The following GRAMD1B variants were observed in gnomAD, a reference collection of about 807,000 sequenced individuals.
GRAMD1B encodes the protein protein Aster-B.
GRAMD1B carries 37 observed loss-of-function variants against 99.7 expected under a neutral mutation model. The ratio of observed to expected loss-of-function variants is 0.37; its 90% CI spans 0.29 to 0.49. The LOEUF is 0.49. Ranked by LOEUF, GRAMD1B falls within the 20% of genes least tolerant of loss-of-function variation. The pLI, the probability that GRAMD1B is intolerant of heterozygous loss-of-function variation, is 0.98. For missense variants in GRAMD1B, 888 were observed against 1,009.2 expected (o/e 0.88, Z 1.63); for synonymous variants, 427 against 387.6 (o/e 1.10, Z -1.19).
intron 2 of GRAMD1B, among the ~76,000 whole-genome samples, chr11:123,571,384 GTC>G (rs987016886): frequency 6.6e-6 from 1 of 152,192 alleles, no homozygotes; most frequent in African/African-American, 2.4e-5. Context: ...GCCGCAGAGA[GTC>G]ACTGAAGAAA....
rs1955406163 is a variant in GRAMD1B at position 123,624,851 on chromosome 11, G to C, written c.*2256G>C. 6.6e-6 allele frequency: 1 copy of C among 152,150 alleles called. No homozygotes were observed. The highest frequency in any genetic ancestry group is 6.5e-5 in the Admixed American group (1 of 15,278). The allele number at this position is 152,150 out of a possible 1,614,324, so 9.4% of individuals were successfully genotyped here. On this transcript the variant is annotated 3_prime_UTR_variant, in exon 20 of 20. Coordinates refer to ENST00000635736, the MANE Select transcript of GRAMD1B (RefSeq NM_001387025.1). ...GGAGTCAAGTGACAGAGCAGACCTG[G>C]CCGCAGGGAGTTGTTCTGCTTCTGC...
intron 1 of GRAMD1B, among the ~76,000 whole-genome samples, chr11:123,475,625 T>A (rs975960159): frequency 2.0e-5 from 3 of 152,212 alleles, no homozygotes; most frequent in African/African-American, 7.2e-5. Context: ...CATCTTTCAG[T>A]CATCCGGTGC....
chr11:123,495,775 T>G (rs1375966713), intron 2 of GRAMD1B, among the ~76,000 whole-genome samples: 2 of 151,976 alleles, frequency 1.3e-5, no homozygotes, highest in African/African-American at 4.8e-5. Flanking sequence ...AAATACTATC[T>G]TATAACCCAT....
At chr11:123,613,797 T>C (rs1367148646) in intron 16 of GRAMD1B, 139 bp downstream of exon 16, 3 of 648,650 alleles carry the variant, frequency 4.6e-6, no homozygotes, top group Non-Finnish European at 8.1e-6. Context: ...TCACTAAATC[T>C]GAGGCTCCCA....
chr11:123,375,550 T>C (rs1196794891), intron 1 of GRAMD1B, among the ~76,000 whole-genome samples: 1 of 152,202 alleles, frequency 6.6e-6, no homozygotes, highest in African/African-American at 2.4e-5. Flanking sequence ...TTAAGTGTTA[T>C]TGGCCAAGAA....
At chr11:123,374,048 G>T (rs966257520) in intron 1 of GRAMD1B, among the ~76,000 whole-genome samples, 1 of 152,086 alleles carries the variant, frequency 6.6e-6, no homozygotes, top group African/African-American at 2.4e-5. Context: ...TGTGAGATGC[G>T]GTAGGTGTTT....
chr11:123,464,500 C>G (rs1308358611), intron 1 of GRAMD1B, among the ~76,000 whole-genome samples: 1 of 152,104 alleles, frequency 6.6e-6, no homozygotes, highest in African/African-American at 2.4e-5. Context: ...CCCCCTCCAC[C>G]AATCTAGTTG....
chr11:123,560,199 GTGTC>G (rs1263417744), intron 2 of GRAMD1B: 1 of 1,029,768 alleles, frequency 9.7e-7, no homozygotes, highest in African/African-American at 1.7e-5. Flanking sequence ...GCGCGTGTGC[GTGTC>G]TGCGCGCAAG....
chr11:123,382,547 G>A (rs1565462445), intron 1 of GRAMD1B, among the ~76,000 whole-genome samples: 1 of 152,070 alleles, frequency 6.6e-6, no homozygotes, highest in African/African-American at 2.4e-5. Context: ...TGAAGACCTT[G>A]CAGTTGCTTG....
At chr11:123,406,604 G>A (rs933430891) in intron 1 of GRAMD1B, among the ~76,000 whole-genome samples, 6 of 152,086 alleles carry the variant, frequency 3.9e-5, no homozygotes, top group African/African-American at 1.4e-4. Flanking sequence ...ATTCACTCTG[G>A]GCTCTGCCAC....
chr11:123,544,274 A>G (rs1944843029), intron 2 of GRAMD1B, among the ~76,000 whole-genome samples: 1 of 152,176 alleles, frequency 6.6e-6, no homozygotes, highest in South Asian at 2.1e-4. Context: ...TTGTAGAGAA[A>G]TCAAGGCTAA....
At position 123,467,903 on chromosome 11, in the gene GRAMD1B, C is replaced by T. The variant is rs1341746164; in HGVS notation, c.375-12913C>T. Among the ~76,000 whole-genome samples the T allele has an allele frequency of 7.0e-5, 10 of 142,152 alleles. No individual in the cohort carries two copies. The South Asian group carries it at 1.5e-3, about 21-fold the overall frequency. 93.3% of individuals were successfully genotyped at this position (142,152 alleles called of 152,430 possible). ...TGTTTTTGATGGAGTCTCGTTCTGTCGCCAAGCTGGAGTGAAGTGGCGCAG... is the reference window on the plus strand; with the variant it reads ...TGTTTTTGATGGAGTCTCGTTCTGTTGCCAAGCTGGAGTGAAGTGGCGCAG... On this transcript the variant is annotated intron_variant, in intron 1 of 19. Transcript: ENST00000635736.
At chr11:123,536,456 C>T (rs185872144) in intron 2 of GRAMD1B, among the ~76,000 whole-genome samples, 9 of 152,104 alleles carry the variant, frequency 5.9e-5, no homozygotes, top group African/African-American at 1.4e-4. Flanking sequence ...AAAATAAAAT[C>T]GGGTTAATGA....
intron 1 of GRAMD1B, among the ~76,000 whole-genome samples, chr11:123,376,214 C>T (rs1946686780): frequency 6.6e-6 from 1 of 151,962 alleles, no homozygotes; most frequent in Admixed American, 6.6e-5. Flanking sequence ...TGGGCAATCA[C>T]CCATAGTACT....
At position 123,587,029 on chromosome 11, in the gene GRAMD1B, C is replaced by T. The variant is rs770947281; in HGVS notation, c.684+2697C>T. 6.6e-6 allele frequency among the ~76,000 whole-genome samples: 1 copy of T among 152,218 alleles called. No homozygotes were observed. Among genetic ancestry groups the T allele is most frequent in the African/African-American group, 2.4e-5 (1 of 41,462 alleles). ...GCAGAATCGCTGATAGTGGCAAGAG[C>T]ATTCAGGCCCACTGGAGCAGCCTGG... On this transcript the variant is annotated intron_variant, in intron 4 of 19. Transcript: ENST00000635736. The surrounding 1 kb of genome is among the most constrained non-coding windows in gnomAD (Gnocchi z 4.2).
In GRAMD1B at chr11:123,585,319, A is replaced by G. The variant is rs117225378; in HGVS notation, c.684+987A>G. ...AATGTAGGGACAGGGTTGCAGATCA[A>G]TTGTGTGGGCTGTGTGTGTTTTCCT... On this transcript the variant is annotated intron_variant, in intron 4 of 19. Coordinates refer to ENST00000635736, the MANE Select transcript of GRAMD1B (RefSeq NM_001387025.1). 3.0e-3 allele frequency among the ~76,000 whole-genome samples: 463 copies of G among 152,208 alleles called. 5 individuals carry two copies. Among genetic ancestry groups the G allele is most frequent in the Admixed American group, 0.012 (186 of 15,292 alleles).
In GRAMD1B at chr11:123,610,411, G is replaced by A. The variant is rs902539602; in HGVS notation, c.1919+73G>A. ...TAGAGAACATTCATTTGCTCCTGAC[G>A]GGGAAGGAGGAGGTGGGGAGTGCTT... On this transcript the variant is annotated intron_variant, in intron 14 of 19. Coordinates refer to ENST00000635736, the MANE Select transcript of GRAMD1B (RefSeq NM_001387025.1). This position sits in a 1 kb window ranked among gnomAD's most constrained non-coding sequence, Gnocchi z 4.1. 7.6e-6 allele frequency: 11 copies of A among 1,456,128 alleles called. No homozygotes were observed. In the Admixed American group the frequency reaches 8.4e-5, roughly 11 times the overall value. The allele number at this position is 1,456,128 out of a possible 1,614,324, so 90.2% of individuals were successfully genotyped here. A position where few individuals can be genotyped will look rare whatever the true frequency, so the allele number is the denominator to read the frequency against.
intron 1 of GRAMD1B, among the ~76,000 whole-genome samples, chr11:123,371,250 C>T (rs1212888120): frequency 2.6e-5 from 4 of 151,830 alleles, no homozygotes; most frequent in Admixed American, 2.6e-4. Context: ...TTGGGTAATC[C>T]CCACCATCTT....
At chr11:123,537,333 T>A (rs1447068441) in intron 2 of GRAMD1B, among the ~76,000 whole-genome samples, 1 of 152,234 alleles carries the variant, frequency 6.6e-6, no homozygotes, top group African/African-American at 2.4e-5. Flanking sequence ...ATTCTTTGTT[T>A]CATAATTGCT....
Sources: allele counts gnomAD v4.1 joint callset (sites outside exome capture counted in the v4.1 genomes callset), GRCh38; gene constraint gnomAD v4.1.1; non-coding constraint Gnocchi (gnomAD v3.1); transcripts MANE v1.5; gene names NCBI Gene and HGNC (gene_info 2026-07-23, HGNC 2026-07-21).